PTPRD: variants seen among roughly 807,000 people sequenced by gnomAD.
PTPRD encodes the protein protein tyrosine phosphatase receptor type D.
Under a neutral mutation model 214.5 loss-of-function variants are expected in PTPRD, and 34 were observed. The observed-to-expected ratio is 0.16, with a 90% CI of 0.12 to 0.21. The LOEUF (loss-of-function observed/expected upper bound fraction) is 0.21. Among genes scored for constraint, PTPRD ranks in the 10% least tolerant of loss-of-function variants. The pLI, the probability that PTPRD is intolerant of heterozygous loss-of-function variation, is 1.00. For missense variants in PTPRD, 2,545 were observed against 2,398.7 expected (o/e 1.06, Z -1.27); for synonymous variants, 1,128 against 845.7 (o/e 1.33, Z -5.79).
chr9:10,084,356 C>T (rs538444520), intron 3 of PTPRD, among the ~76,000 whole-genome samples: 31 of 151,716 alleles, frequency 2.0e-4, no homozygotes, highest in Admixed American at 4.6e-4. Flanking sequence ...TAATGAGGTA[C>T]GCCAAACTGT....
intron 39 of PTPRD, among the ~76,000 whole-genome samples, chr9:8,360,966 C>T (rs2078320557): frequency 6.6e-6 from 1 of 152,200 alleles, no homozygotes; most frequent in South Asian, 2.1e-4. Context: ...TCAATGTGCA[C>T]ATATATTGAT....
At chr9:8,701,202 AG>A (rs1048257219) in intron 12 of PTPRD, among the ~76,000 whole-genome samples, 16 of 152,230 alleles carry the variant, frequency 1.1e-4, no homozygotes, top group Admixed American at 9.2e-4. Context: ...GCCATAATTC[AG>A]GGGGAAAAAA....
chr9:10,465,620 C>G (rs547074537), intron 2 of PTPRD, among the ~76,000 whole-genome samples: 1 of 152,242 alleles, frequency 6.6e-6, no homozygotes, highest in Admixed American at 6.5e-5. Context: ...ATCACCTTTT[C>G]TGTGTTTAGA....
intron 3 of PTPRD, among the ~76,000 whole-genome samples, chr9:10,118,131 A>T (rs1006046235): frequency 6.6e-6 from 1 of 151,982 alleles, no homozygotes; most frequent in African/African-American, 2.4e-5. Context: ...TGCAATGGCC[A>T]TGATAAGGGA....
intron 8 of PTPRD, among the ~76,000 whole-genome samples, chr9:9,423,740 G>T (rs1217186063): frequency 6.6e-6 from 1 of 152,008 alleles, no homozygotes; most frequent in East Asian, 1.9e-4. Context: ...CTATAATTAA[G>T]AACCCAATGA....
rs538985766 is a variant in PTPRD, at chr9:8,723,449, G to C, written c.64+10331C>G. Reference sequence around the variant, plus strand: ...AAGTCACGCCGTTCAGTGACTTGTTGCCCATAGCCATGTCTTGCTGCACTG... The same window carrying C: ...AAGTCACGCCGTTCAGTGACTTGTTCCCCATAGCCATGTCTTGCTGCACTG... On this transcript the variant is annotated intron_variant, in intron 12 of 45. Coordinates refer to ENST00000381196, the MANE Select transcript of PTPRD (RefSeq NM_002839.4). Among the ~76,000 whole-genome samples, 7 of 152,110 alleles carry C rather than the reference G, an allele frequency of 4.6e-5. No individual in the cohort carries two copies. The East Asian group carries it at 7.8e-4, about 17-fold the overall frequency.
intron 3 of PTPRD, among the ~76,000 whole-genome samples, chr9:10,306,997 T>C (rs1163343293): frequency 6.6e-6 from 1 of 152,162 alleles, no homozygotes; most frequent in African/African-American, 2.4e-5. Flanking sequence ...GTTAGATGCA[T>C]AGAATATGTA....
intron 11 of PTPRD, among the ~76,000 whole-genome samples, chr9:8,750,384 C>G (rs2093396178): frequency 6.6e-6 from 1 of 152,032 alleles, no homozygotes; most frequent in Non-Finnish European, 1.5e-5. Context: ...TCTCAAACTC[C>G]TGACCTCAAG....
At chr9:9,288,216 A>G (rs989897972) in intron 9 of PTPRD, among the ~76,000 whole-genome samples, 1 of 151,866 alleles carries the variant, frequency 6.6e-6, no homozygotes, top group Admixed American at 6.6e-5. Flanking sequence ...CATCTACTCT[A>G]AAATTTTGTT....
At chr9:10,318,570 T>A (rs74319557) in intron 3 of PTPRD, among the ~76,000 whole-genome samples, 6,894 of 152,106 alleles carry the variant, frequency 0.045, 510 homozygotes, top group African/African-American at 0.16. Context: ...GGATTACTGC[T>A]AGCTACATTG....
At chr9:9,492,105 C>T (rs2095932627) in intron 8 of PTPRD, among the ~76,000 whole-genome samples, 1 of 151,784 alleles carries the variant, frequency 6.6e-6, no homozygotes. Context: ...TAAGAGAATA[C>T]TATGAGCAAC....
At chr9:9,684,571 G>C (rs529012486) in intron 7 of PTPRD, among the ~76,000 whole-genome samples, 23 of 151,690 alleles carry the variant, frequency 1.5e-4, no homozygotes, top group Admixed American at 6.6e-4. Flanking sequence ...TACTTGGGAG[G>C]AGACTGAGTG....
intron 3 of PTPRD, among the ~76,000 whole-genome samples, chr9:10,219,433 T>C (rs772024324): frequency 6.6e-6 from 1 of 151,872 alleles, no homozygotes; most frequent in Non-Finnish European, 1.5e-5. Flanking sequence ...TTTCTATTCA[T>C]GCTGAAATCA....
intron 9 of PTPRD, among the ~76,000 whole-genome samples, chr9:9,276,908 T>C (rs1277935038): frequency 3.0e-4 from 45 of 151,406 alleles, no homozygotes; most frequent in Admixed American, 3.0e-3. Flanking sequence ...TCTCTACTCA[T>C]GCAGTTCCTT....
At chr9:10,533,665 A>G (rs1057308498) in intron 2 of PTPRD, among the ~76,000 whole-genome samples, 1 of 152,026 alleles carries the variant, frequency 6.6e-6, no homozygotes, top group Non-Finnish European at 1.5e-5. Flanking sequence ...GATACAAACT[A>G]ACACCTCCAT....
chr9:9,992,731 A>T (rs921420460), intron 4 of PTPRD, among the ~76,000 whole-genome samples: 37 of 151,554 alleles, frequency 2.4e-4, no homozygotes, highest in African/African-American at 7.7e-4. Flanking sequence ...GTTCTCACTC[A>T]TTGGTGGGAG....
intron 2 of PTPRD, among the ~76,000 whole-genome samples, chr9:10,493,168 A>G (rs1035455328): frequency 1.3e-5 from 2 of 152,136 alleles, no homozygotes; most frequent in Non-Finnish European, 1.5e-5. Flanking sequence ...AAATGGGCAT[A>G]CTACCTAAAG....
chr9:9,795,682 T>C (rs966275594), intron 5 of PTPRD, among the ~76,000 whole-genome samples: 7 of 152,172 alleles, frequency 4.6e-5, no homozygotes, highest in Admixed American at 1.3e-4. Context: ...TATTTCTTTG[T>C]GGTAGGACAA....
At chr9:9,456,662 T>C (rs2145635791) in intron 8 of PTPRD, among the ~76,000 whole-genome samples, 1 of 152,072 alleles carries the variant, frequency 6.6e-6, no homozygotes, top group South Asian at 2.1e-4. Flanking sequence ...TATTATGAGC[T>C]ATACATTTCA....
Sources: allele counts gnomAD v4.1 joint callset (sites outside exome capture counted in the v4.1 genomes callset), GRCh38; gene constraint gnomAD v4.1.1; transcripts MANE v1.5; gene names NCBI Gene and HGNC (gene_info 2026-07-23, HGNC 2026-07-21).